Variants in PLEK observed in about 807,000 individuals in gnomAD.
The protein encoded by PLEK is pleckstrin.
Under a neutral mutation model 43.9 loss-of-function variants are expected in PLEK, and 25 were observed. The ratio of observed to expected loss-of-function variants is 0.57; its 90% CI spans 0.41 to 0.79. The LOEUF (loss-of-function observed/expected upper bound fraction) is 0.79. PLEK is among the 30% of genes least tolerant of loss of function. The pLI is 0.00. For missense variants in PLEK, 396 were observed against 413.3 expected (o/e 0.96, Z 0.36); for synonymous variants, 152 against 144.4 (o/e 1.05, Z -0.38).
chr2:68,374,972 A>G (rs1313096638), intron 1 of PLEK, among the ~76,000 whole-genome samples: 2 of 152,176 alleles, frequency 1.3e-5, no homozygotes, highest in East Asian at 1.9e-4. Context: ...GTTTCTGGCT[A>G]TGATGAATAA....
rs1558502896 is a variant in PLEK at position 68,397,121 on chromosome 2, C to A, written c.*1305C>A. The A allele has an allele frequency of 6.6e-6, 1 of 152,150 alleles. No individual in the cohort carries two copies. Among genetic ancestry groups the A allele is most frequent in the Non-Finnish European group, 1.5e-5 (1 of 68,026 alleles). The allele number at this position is 152,150 out of a possible 1,614,324, so 9.4% of individuals were successfully genotyped here. On this transcript the variant is annotated 3_prime_UTR_variant, in exon 9 of 9. Transcript: ENST00000234313. ...CTCCAAAATTGAGAAAGACAGCACCCATTGAAGCAGATATGTGTGTGAAAG... is the reference window on the plus strand; with the variant it reads ...CTCCAAAATTGAGAAAGACAGCACCAATTGAAGCAGATATGTGTGTGAAAG...
chr2:68,389,049 G>A (rs1018839656), intron 6 of PLEK, among the ~76,000 whole-genome samples: 4 of 152,242 alleles, frequency 2.6e-5, no homozygotes, highest in Admixed American at 2.0e-4. Flanking sequence ...AGTCCTGGGG[G>A]GATGTCCAGG....
chr2:68,384,699 A>G (rs1251155329), intron 4 of PLEK, among the ~76,000 whole-genome samples: 1 of 152,202 alleles, frequency 6.6e-6, no homozygotes, highest in Non-Finnish European at 1.5e-5. Context: ...CAGGCAGACT[A>G]GACCAAACTT....
At chr2:68,370,547 A>G (rs1252930788) in intron 1 of PLEK, among the ~76,000 whole-genome samples, 1 of 152,132 alleles carries the variant, frequency 6.6e-6, no homozygotes, top group Non-Finnish European at 1.5e-5. Flanking sequence ...GTGGAATGGT[A>G]CAATCTTGGC....
chr2:68,389,585 G>A (rs965781704), intron 6 of PLEK, among the ~76,000 whole-genome samples: 5 of 152,188 alleles, frequency 3.3e-5, no homozygotes, highest in Admixed American at 6.5e-5. Context: ...TATGGATTTT[G>A]AGTTTCACAG....
At chr2:68,394,510 G>C (rs1182601379) in intron 8 of PLEK, among the ~76,000 whole-genome samples, 1 of 151,774 alleles carries the variant, frequency 6.6e-6, no homozygotes, top group Non-Finnish European at 1.5e-5. Context: ...ACTCCAGCCT[G>C]GGTGACAGAG....
chr2:68,377,428 A>G (rs140344142), intron 1 of PLEK, among the ~76,000 whole-genome samples: 1 of 152,298 alleles, frequency 6.6e-6, no homozygotes, highest in Non-Finnish European at 1.5e-5. Flanking sequence ...CCTCAAAAAC[A>G]TTTCTTATTG....
chr2:68,383,962 T>C (rs1161838731), intron 4 of PLEK, among the ~76,000 whole-genome samples: 1 of 151,918 alleles, frequency 6.6e-6, no homozygotes, highest in African/African-American at 2.4e-5. Flanking sequence ...AAGCTGTGGG[T>C]GGTGGTATGA....
intron 1 of PLEK, among the ~76,000 whole-genome samples, chr2:68,368,993 G>C (rs1398579492): frequency 6.6e-6 from 1 of 152,224 alleles, no homozygotes; most frequent in Non-Finnish European, 1.5e-5. Context: ...AAGTGGAAGA[G>C]AGCCCGAGAG....
rs6725743 is a variant in PLEK at position 68,395,858 on chromosome 2, T to C, written c.*42T>C. Reference sequence around the variant, plus strand: ...CTCCTCCCCTCCTGAGGGAAGCCCATGGACAAGCTCAGTCCAGGACCTGTC... The same window carrying C: ...CTCCTCCCCTCCTGAGGGAAGCCCACGGACAAGCTCAGTCCAGGACCTGTC... On this transcript the variant is annotated 3_prime_UTR_variant, in exon 9 of 9. Transcript: ENST00000234313. 0.13 allele frequency: 211,435 copies of C among 1,572,428 alleles called. 16,693 individuals carry two copies. The highest frequency in any genetic ancestry group is 0.36 in the African/African-American group (26,364 of 73,812).
chr2:68,380,597 C>G, intron 2 of PLEK, 114 bp downstream of exon 2: 1 of 1,384,188 alleles, frequency 7.2e-7, no homozygotes, highest in Non-Finnish European at 1.0e-6. Context: ...CACCACCACC[C>G]ACACCCCACC....
In PLEK at chr2:68,380,463, C is replaced by T. The variant is rs1271548361; in HGVS notation, c.178C>T (p.Gln60Ter). ...AGGGAGCACTCTGACTAGCCCTTGT[C>T]AAGACTTTGGCAAAAGGATGGTAAG... Reference protein sequence around the residue: ...LKGSTLTSPCQDFGKRMFVFK... With the variant: ...LKGSTLTSPC The change falls in exon 2 of 9, where the codon CAA becomes TAA. Residue 60 changes from glutamine to a stop codon, truncating the protein, a stop_gained. Coordinates refer to ENST00000234313, the MANE Select transcript of PLEK (RefSeq NM_002664.3). LOFTEE classifies it high-confidence loss of function. 5 of 1,613,586 alleles carry T rather than the reference C, an allele frequency of 3.1e-6. No homozygotes were observed. The East Asian group carries it at 8.9e-5, about 29-fold the overall frequency.
intron 1 of PLEK, among the ~76,000 whole-genome samples, chr2:68,370,984 T>A (rs1673388209): frequency 6.6e-6 from 1 of 152,174 alleles, no homozygotes; most frequent in Non-Finnish European, 1.5e-5. Flanking sequence ...GTAGAATATA[T>A]TTCAAAGATT....
intron 2 of PLEK, 29 bp downstream of exon 2, chr2:68,380,512 C>A: frequency 6.2e-7 from 1 of 1,603,650 alleles, no homozygotes; most frequent in Non-Finnish European, 8.5e-7. Context: ...CTGCCGTGAA[C>A]CCCTGGTCAG....
intron 1 of PLEK, among the ~76,000 whole-genome samples, chr2:68,372,562 A>G (rs1673431519): frequency 6.6e-6 from 1 of 152,132 alleles, no homozygotes; most frequent in Non-Finnish European, 1.5e-5. Flanking sequence ...CTTAGGTGCT[A>G]AATTATACCA....
chr2:68,388,307 G>GA (rs1370694229), intron 5 of PLEK, 80 bp from the exon 6 acceptor site: 2 of 728,352 alleles, frequency 2.7e-6, no homozygotes, highest in Admixed American at 2.1e-5. Context: ...CATGGCTGGA[G>GA]GGGAGGGGGA....
In PLEK at chr2:68,386,472, G is replaced by A. The variant is rs377611601; in HGVS notation, c.473-30G>A. Reference sequence around the variant, plus strand: ...AGGGGCTTGTTCTTCGGTAAGGAGAGTTAACCTTCCCTGTGCTGGTCCCAT... The same window carrying A: ...AGGGGCTTGTTCTTCGGTAAGGAGAATTAACCTTCCCTGTGCTGGTCCCAT... On this transcript the variant is annotated intron_variant, in intron 4 of 8. Coordinates refer to ENST00000234313, the MANE Select transcript of PLEK (RefSeq NM_002664.3). 1.3e-5 allele frequency: 20 copies of A among 1,590,970 alleles called. No individual in the cohort carries two copies. The East Asian group carries it at 4.3e-4, about 34-fold the overall frequency.
intron 1 of PLEK, among the ~76,000 whole-genome samples, chr2:68,378,890 G>A (rs920747641): frequency 6.6e-6 from 1 of 152,166 alleles, no homozygotes; most frequent in East Asian, 1.9e-4. Flanking sequence ...AGCACTCTGG[G>A]AGGCTGAGGC....
At chr2:68,385,612 C>T (rs1352433957) in intron 4 of PLEK, among the ~76,000 whole-genome samples, 2 of 152,132 alleles carry the variant, frequency 1.3e-5, no homozygotes, top group Non-Finnish European at 2.9e-5. Flanking sequence ...CCTCCCCTGC[C>T]CCATGGGGCT....
Sources: allele counts gnomAD v4.1 joint callset (sites outside exome capture counted in the v4.1 genomes callset), GRCh38; gene constraint gnomAD v4.1.1; transcripts MANE v1.5; gene names NCBI Gene and HGNC (gene_info 2026-07-23, HGNC 2026-07-21).